LARS2: variants seen among roughly 807,000 people sequenced by gnomAD.
The protein encoded by LARS2 is leucine--tRNA ligase, mitochondrial.
Under a neutral mutation model 116.6 loss-of-function variants are expected in LARS2, and 81 were observed. The ratio of observed to expected loss-of-function variants is 0.69; its 90% CI spans 0.58 to 0.84. The LOEUF (loss-of-function observed/expected upper bound fraction) is 0.84. Ranked by LOEUF, LARS2 falls within the 40% of genes least tolerant of loss-of-function variation. The pLI is 0.00. For synonymous variants in LARS2, 396 were observed against 407.2 expected (o/e 0.97, Z 0.33); for missense variants, 968 against 1,114.5 (o/e 0.87, Z 1.87).
intron 6 of LARS2, chr3:45,421,063 CTT>C (rs1229032347): frequency 1.9e-4 from 29 of 152,160 alleles, no homozygotes; most frequent in African/African-American, 6.5e-4. Context: ...GAAAAAGTGA[CTT>C]TTATAGCTGA....
intron 8 of LARS2, among the ~76,000 whole-genome samples, chr3:45,464,686 T>C (rs1419519423): frequency 1.3e-5 from 2 of 152,138 alleles, no homozygotes; most frequent in Non-Finnish European, 1.5e-5. Context: ...CACTTCCTCC[T>C]CCTGTGTGTG....
At chr3:45,523,857 T>C in intron 19 of LARS2, 140 bp from the exon 20 acceptor site, 1 of 613,498 alleles carries the variant, frequency 1.6e-6, no homozygotes, top group South Asian at 1.9e-5. Context: ...GGGAAGTTCA[T>C]TGTCCCAAGC....
At position 45,492,203 on chromosome 3, in the gene LARS2, G is replaced by GT. The variant is rs546984794; in HGVS notation, c.1523+404dup. 7.2e-5 allele frequency among the ~76,000 whole-genome samples: 11 copies of GT among 152,326 alleles called. No individual in the cohort carries two copies. In the South Asian group the frequency reaches 2.1e-3, roughly 29 times the overall value. On this transcript the variant is annotated intron_variant, in intron 13 of 21. Coordinates refer to ENST00000645846, the MANE Select transcript of LARS2 (RefSeq NM_015340.4). ...CTTGCAGTTTTCCAATATAGTGACT[G>GT]TAACAACAGTGGAGATTTTATCATG...
intron 6 of LARS2, among the ~76,000 whole-genome samples, chr3:45,446,679 T>C (rs1699024420): frequency 6.6e-6 from 1 of 152,238 alleles, no homozygotes; most frequent in African/African-American, 2.4e-5. Flanking sequence ...TCATTGAACA[T>C]GCTCTCAGAA....
chr3:45,523,945 C>T (rs1268744445), intron 19 of LARS2, 52 bp from the exon 20 acceptor site: 22 of 1,304,228 alleles, frequency 1.7e-5, no homozygotes, highest in Non-Finnish European at 2.2e-5. Context: ...TCTTTCTTAC[C>T]CGTGCTTATT....
chr3:45,443,626 G>A (rs1698951846), intron 6 of LARS2, among the ~76,000 whole-genome samples: 1 of 152,104 alleles, frequency 6.6e-6, no homozygotes, highest in African/African-American at 2.4e-5. Flanking sequence ...TCTTCCTCAG[G>A]GCACTCCCAG....
chr3:45,436,811 A>AG (rs1460731459), intron 6 of LARS2, among the ~76,000 whole-genome samples: 2 of 151,692 alleles, frequency 1.3e-5, no homozygotes, highest in Admixed American at 1.3e-4. Context: ...AAAAAAAAAA[A>AG]AAAAAGAAAA....
chr3:45,389,050 G>A (rs1471609496), intron 1 of LARS2: 1 of 152,190 alleles, frequency 6.6e-6, no homozygotes, highest in Non-Finnish European at 1.5e-5. Context: ...TCACGTTAGG[G>A]CTCGGAGGTC....
chr3:45,455,554 T>G (rs781024697), intron 7 of LARS2, among the ~76,000 whole-genome samples: 4 of 152,030 alleles, frequency 2.6e-5, no homozygotes, highest in Admixed American at 6.6e-5. Flanking sequence ...GAAATGTAAA[T>G]TGCTATAGCC....
intron 13 of LARS2, among the ~76,000 whole-genome samples, chr3:45,493,346 G>A (rs537103538): frequency 4.6e-5 from 7 of 152,196 alleles, no homozygotes; most frequent in Admixed American, 6.5e-5. Flanking sequence ...TGTTCTGCCC[G>A]CCTAGGCCTC....
chr3:45,421,414 A>G (rs1189993791), intron 6 of LARS2: 1 of 152,220 alleles, frequency 6.6e-6, no homozygotes, highest in African/African-American at 2.4e-5. Flanking sequence ...TTTGGCTGAC[A>G]GCATTTCAGA....
intron 20 of LARS2, among the ~76,000 whole-genome samples, chr3:45,529,324 T>G (rs1275405216): frequency 1.3e-5 from 2 of 151,952 alleles, no homozygotes; most frequent in Admixed American, 6.6e-5. Flanking sequence ...TTCAGCACTT[T>G]GGGAGGCTGA....
At position 45,400,387 on chromosome 3, in the gene LARS2, C is replaced by G; in HGVS notation, c.363+14C>G. 1 of 1,589,482 alleles carries G rather than the reference C, an allele frequency of 6.3e-7. No individual in the cohort carries two copies. The highest frequency in any genetic ancestry group is 8.6e-7 in the Non-Finnish European group (1 of 1,168,170). The stretch of plus-strand genomic sequence containing the variant: ...AGAGGGATGCAGGTAAGAACAGGTG[C>G]CTGCTGGAGCAGCCCTTGTCTGCCA... On this transcript the variant is annotated intron_variant, in intron 4 of 21. Coordinates refer to ENST00000645846, the MANE Select transcript of LARS2 (RefSeq NM_015340.4).
At chr3:45,493,836 T>C (rs777357373) in intron 13 of LARS2, among the ~76,000 whole-genome samples, 8 of 152,228 alleles carry the variant, frequency 5.3e-5, no homozygotes, top group Non-Finnish European at 7.4e-5. Flanking sequence ...AACAAGACCA[T>C]TAAAAAGGAA....
intron 20 of LARS2, among the ~76,000 whole-genome samples, chr3:45,530,735 A>T (rs1270405044): frequency 6.6e-6 from 1 of 152,170 alleles, no homozygotes; most frequent in Non-Finnish European, 1.5e-5. Flanking sequence ...CCACTCTAGG[A>T]TCTGTTTTTG....
chr3:45,414,052 T>C (rs1698376417), intron 4 of LARS2, among the ~76,000 whole-genome samples: 1 of 152,246 alleles, frequency 6.6e-6, no homozygotes, highest in African/African-American at 2.4e-5. Context: ...TTAAAATTTT[T>C]CATACCCTTT....
At chr3:45,443,199 T>C (rs1698944060) in intron 6 of LARS2, among the ~76,000 whole-genome samples, 1 of 152,194 alleles carries the variant, frequency 6.6e-6, no homozygotes, top group Non-Finnish European at 1.5e-5. Context: ...TAGAAGACCC[T>C]TGTCTACAGA....
chr3:45,401,032 T>C (rs934544524), intron 4 of LARS2, among the ~76,000 whole-genome samples: 5 of 152,174 alleles, frequency 3.3e-5, no homozygotes, highest in Non-Finnish European at 5.9e-5. Flanking sequence ...AGGATGGTCT[T>C]GATTTCCTGG....
chr3:45,405,246 AC>A (rs934063792), intron 4 of LARS2, among the ~76,000 whole-genome samples: 17 of 152,076 alleles, frequency 1.1e-4, no homozygotes, highest in African/African-American at 4.1e-4. Context: ...GAGCCACCAC[AC>A]CCAACCATCA....
Sources: gnomAD v4.1 joint callset for allele counts (sites outside exome capture counted in the v4.1 genomes callset) on GRCh38, gnomAD v4.1.1 for gene constraint, MANE v1.5 for transcripts, NCBI Gene and HGNC (gene_info 2026-07-23, HGNC 2026-07-21) for gene names.